The following NOX4 variants were observed in gnomAD, a reference collection of about 807,000 sequenced individuals.
NOX4 encodes kidney oxidase-1.
In NOX4, 69 loss-of-function variants were observed where a neutral mutation model predicts 87.6. The observed-to-expected ratio is 0.79, with a 90% confidence interval of 0.65 to 0.96. The LOEUF (loss-of-function observed/expected upper bound fraction) is 0.96, where lower values mean the gene tolerates loss of function less well. Ranked by LOEUF, NOX4 falls within the 40% of genes least tolerant of loss-of-function variation. NOX4 has a pLI of 0.00. For missense variants in NOX4, 680 were observed against 681.5 expected, an observed-to-expected ratio of 1.00 and a Z score of 0.02; for synonymous variants, 275 against 238.2, an observed-to-expected ratio of 1.15 and a Z score of -1.42.
At chr11:89,496,820 C>G (rs1946959250), upstream of NOX4, among the ~76,000 whole-genome samples, 1 of 152,176 alleles carries the variant, frequency 6.6e-6, no homozygotes, top group African/African-American at 2.4e-5. Context: ...TTCACAGCAA[C>G]CCTCTTATTG....
chr11:89,433,823 A>C (rs759852148), intron 6 of NOX4, among the ~76,000 whole-genome samples: 1 of 152,108 alleles, frequency 6.6e-6, no homozygotes, highest in African/African-American at 2.4e-5. Context: ...GATTGCTACA[A>C]ATCCAACATT....
intron 11 of NOX4, among the ~76,000 whole-genome samples, chr11:89,386,863 T>C (rs1426746061): frequency 1.3e-5 from 2 of 152,176 alleles, no homozygotes; most frequent in Non-Finnish European, 2.9e-5. Flanking sequence ...TTCTTAGTCC[T>C]TTAATACTTG....
At chr11:89,451,504 T>C (rs1944959078) in intron 3 of NOX4, among the ~76,000 whole-genome samples, 1 of 152,178 alleles carries the variant, frequency 6.6e-6, no homozygotes, top group Admixed American at 6.5e-5. Context: ...AAACTAACAA[T>C]ACCTGATTGT....
intron 11 of NOX4, among the ~76,000 whole-genome samples, chr11:89,392,855 T>C (rs1591098845): frequency 1.3e-5 from 2 of 152,270 alleles, no homozygotes; most frequent in South Asian, 2.1e-4. Flanking sequence ...AAGCAAAATA[T>C]GTTTTTAGAT....
At chr11:89,335,377 T>C (rs376979468) in intron 17 of NOX4, among the ~76,000 whole-genome samples, 1 of 151,758 alleles carries the variant, frequency 6.6e-6, no homozygotes, top group Non-Finnish European at 1.5e-5. Context: ...GTTTAAAGAC[T>C]GCATATTACA....
At chr11:89,447,669 T>C (rs1047483107) in intron 4 of NOX4, among the ~76,000 whole-genome samples, 8 of 152,202 alleles carry the variant, frequency 5.3e-5, no homozygotes, top group African/African-American at 1.7e-4. Context: ...GTTGCTTGGT[T>C]GCTCTCCAGT....
the NOX4 span, among the ~76,000 whole-genome samples, chr11:89,505,566 T>C: frequency 6.6e-6 from 1 of 151,678 alleles, no homozygotes; most frequent in African/African-American, 2.4e-5. Flanking sequence ...CTCTGAAATT[T>C]AGTATGCTGA....
At chr11:89,515,524 T>G in the NOX4 span, among the ~76,000 whole-genome samples, 3 of 151,850 alleles carry the variant, frequency 2.0e-5, no homozygotes, top group Non-Finnish European at 2.9e-5. Flanking sequence ...TGTGTCTTGT[T>G]TTTTCATTTT....
At chr11:89,472,994 A>C (rs1045034176) in intron 2 of NOX4, among the ~76,000 whole-genome samples, 7 of 152,196 alleles carry the variant, frequency 4.6e-5, no homozygotes, top group African/African-American at 1.7e-4. Context: ...AAATGTATCA[A>C]GTGAAAAAGG....
the NOX4 span, among the ~76,000 whole-genome samples, chr11:89,506,505 T>C: frequency 4.0e-5 from 6 of 151,516 alleles, no homozygotes; most frequent in Admixed American, 4.0e-4. Flanking sequence ...TAGGAGAAAA[T>C]TTTTGTAACC....
chr11:89,354,618 A>G (rs1279852609), intron 13 of NOX4, among the ~76,000 whole-genome samples: 2 of 152,232 alleles, frequency 1.3e-5, no homozygotes, highest in African/African-American at 4.8e-5. Flanking sequence ...TTTAAAGGAC[A>G]GTAAATAGAA....
Position 89,325,934 on chromosome 11 carries a change from T to G in NOX4, c.*822A>C, listed in dbSNP as rs1418042094. ...ATGTGTGTGTGTGTGTATATATATA[T>G]GTGTATATACATATATATATCCATA... On this transcript the variant is annotated 3_prime_UTR_variant, in exon 18 of 18. Transcript: ENST00000263317. 1 of 148,670 alleles carries G rather than the reference T, an allele frequency of 6.7e-6. No individual in the cohort carries two copies. The highest frequency in any genetic ancestry group is 6.8e-5 in the Admixed American group (1 of 14,808). 9.2% of individuals were successfully genotyped at this position (148,670 alleles called of 1,614,324 possible). A position where few individuals can be genotyped will look rare whatever the true frequency, so the allele number is the denominator to read the frequency against.
intron 11 of NOX4, among the ~76,000 whole-genome samples, chr11:89,380,699 GA>G (rs1042965991): frequency 2.6e-5 from 4 of 152,046 alleles, no homozygotes; most frequent in African/African-American, 9.7e-5. Context: ...ATTTCCCTTG[GA>G]AAAAAGCCAA....
chr11:89,589,353 G>A, the NOX4 span: 1 of 152,152 alleles, frequency 6.6e-6, no homozygotes, highest in African/African-American at 2.4e-5. Context: ...TTTAGTTTGG[G>A]CTGATCCAAT....
chr11:89,445,461 T>G (rs1944659722), intron 4 of NOX4, among the ~76,000 whole-genome samples: 1 of 151,826 alleles, frequency 6.6e-6, no homozygotes, highest in Admixed American at 6.6e-5. Flanking sequence ...AGGGGAAGAG[T>G]CAGGACTTAC....
At chr11:89,479,216 A>G (rs996653790) in intron 2 of NOX4, among the ~76,000 whole-genome samples, 4 of 152,162 alleles carry the variant, frequency 2.6e-5, no homozygotes, top group Non-Finnish European at 5.9e-5. Flanking sequence ...ATGCTAAAGG[A>G]AAAGCACGTA....
chr11:89,519,879 C>A, the NOX4 span, among the ~76,000 whole-genome samples: 1 of 152,022 alleles, frequency 6.6e-6, no homozygotes, highest in Non-Finnish European at 1.5e-5. Flanking sequence ...CTGCTACAGG[C>A]AGAACCAAGG....
chr11:89,531,538 T>C, the NOX4 span, among the ~76,000 whole-genome samples: 1 of 152,288 alleles, frequency 6.6e-6, no homozygotes, highest in African/African-American at 2.4e-5. Flanking sequence ...TCTCAAATTG[T>C]AATTCCCAAA....
At chr11:89,438,139 A>C (rs1944177305) in intron 6 of NOX4, among the ~76,000 whole-genome samples, 1 of 150,344 alleles carries the variant, frequency 6.7e-6, no homozygotes, top group East Asian at 1.9e-4. Flanking sequence ...GAAAGGACAT[A>C]GGATGATAGG....
Sources: allele counts gnomAD v4.1 joint callset (sites outside exome capture counted in the v4.1 genomes callset), GRCh38; gene constraint gnomAD v4.1.1; transcripts MANE v1.5; gene names NCBI Gene and HGNC (gene_info 2026-07-23, HGNC 2026-07-21).